Variants in SAMMSON observed in about 807,000 individuals in gnomAD.
SAMMSON encodes the protein long intergenic non-protein coding RNA 1212.
chr3:70,213,013 T>C (rs1701366010), intron 4 of SAMMSON, among the ~76,000 whole-genome samples: 2 of 152,120 alleles, frequency 1.3e-5, no homozygotes, highest in Admixed American at 1.3e-4. Context: ...TTCACCATGC[T>C]GCCTGGGCTG....
chr3:70,228,252 G>A (rs1192839333), intron 4 of SAMMSON, among the ~76,000 whole-genome samples: 1 of 151,952 alleles, frequency 6.6e-6, no homozygotes, highest in Admixed American at 6.6e-5. Flanking sequence ...ATGCCAAGAT[G>A]CTGAAGAAAA....
chr3:70,149,157 T>C (rs73108065), intron 4 of SAMMSON, among the ~76,000 whole-genome samples: 11,083 of 152,196 alleles, frequency 0.073, 548 homozygotes, highest in Non-Finnish European at 0.11. Context: ...ACTCCCAGTT[T>C]ATTTATTTTT....
chr3:70,281,423 T>C (rs543822778), intron 6 of SAMMSON, among the ~76,000 whole-genome samples: 1 of 152,294 alleles, frequency 6.6e-6, no homozygotes, highest in Admixed American at 6.5e-5. Context: ...TAGAATTCTG[T>C]CTTTACCATT....
intron 4 of SAMMSON, among the ~76,000 whole-genome samples, chr3:70,103,611 A>T (rs1251377548): frequency 6.6e-6 from 1 of 152,188 alleles, no homozygotes; most frequent in Non-Finnish European, 1.5e-5. Flanking sequence ...TTCTACTTGA[A>T]TTCTCCTGGG....
chr3:70,019,565 G>A (rs1375239894), intron 3 of SAMMSON, among the ~76,000 whole-genome samples: 1 of 152,150 alleles, frequency 6.6e-6, no homozygotes, highest in African/African-American at 2.4e-5. Flanking sequence ...TTTAATTGGA[G>A]CATTTAGCCC....
chr3:70,100,826 T>C (rs1375186827), intron 4 of SAMMSON, among the ~76,000 whole-genome samples: 1 of 152,202 alleles, frequency 6.6e-6, no homozygotes, highest in East Asian at 1.9e-4. Flanking sequence ...TAATTTCCTG[T>C]CTCCATTACA....
chr3:70,241,010 G>A (rs139182160), intron 4 of SAMMSON, among the ~76,000 whole-genome samples: 221 of 152,008 alleles, frequency 1.5e-3, no homozygotes, highest in African/African-American at 4.4e-3. Context: ...TCATTTTTTC[G>A]TGTCCACCCA....
intron 9 of SAMMSON, among the ~76,000 whole-genome samples, chr3:70,380,272 TA>T (rs1215335562): frequency 2.0e-5 from 3 of 152,090 alleles, no homozygotes; most frequent in Admixed American, 6.6e-5. Flanking sequence ...TTATGTAGGA[TA>T]AAAAATATTT....
intron 3 of SAMMSON, among the ~76,000 whole-genome samples, chr3:70,053,083 T>A (rs775169922): frequency 1.2e-4 from 19 of 152,152 alleles, no homozygotes; most frequent in Non-Finnish European, 2.6e-4. Flanking sequence ...AGTTGCATAG[T>A]GCTTTGGAAT....
At chr3:70,201,656 C>T (rs1337909837) in intron 4 of SAMMSON, among the ~76,000 whole-genome samples, 1 of 152,148 alleles carries the variant, frequency 6.6e-6, no homozygotes, top group Non-Finnish European at 1.5e-5. Context: ...ACCAGACTGA[C>T]TCCTCCACAG....
At chr3:70,244,770 GCACA>G (rs1275015439) in intron 4 of SAMMSON, among the ~76,000 whole-genome samples, 1 of 152,140 alleles carries the variant, frequency 6.6e-6, no homozygotes, top group African/African-American at 2.4e-5. Flanking sequence ...GCATGTGTGT[GCACA>G]CATATATAAA....
chr3:70,012,012 A>G (rs571665527), intron 1 of SAMMSON, among the ~76,000 whole-genome samples: 31 of 152,122 alleles, frequency 2.0e-4, no homozygotes, highest in African/African-American at 7.0e-4. Context: ...CCAGAAGAGA[A>G]AGGGATGGTG....
At chr3:70,287,264 T>A (rs1214252820) in intron 6 of SAMMSON, among the ~76,000 whole-genome samples, 1 of 140,844 alleles carries the variant, frequency 7.1e-6, no homozygotes, top group African/African-American at 2.7e-5. Flanking sequence ...GTTTTTAGCA[T>A]GAAGGGTTGT....
intron 4 of SAMMSON, among the ~76,000 whole-genome samples, chr3:70,212,479 A>G (rs1013379465): frequency 6.6e-6 from 1 of 151,976 alleles, no homozygotes; most frequent in Non-Finnish European, 1.5e-5. Context: ...CTGTCCCTCC[A>G]TCCAATCATT....
At chr3:70,285,523 T>C (rs1037239785) in intron 6 of SAMMSON, among the ~76,000 whole-genome samples, 91 of 152,158 alleles carry the variant, frequency 6.0e-4, no homozygotes, top group African/African-American at 2.0e-3. Context: ...AAAATACGTG[T>C]GCATGTGTCT....
chr3:70,353,921 A>C (rs1167176029), intron 7 of SAMMSON, among the ~76,000 whole-genome samples: 1 of 152,212 alleles, frequency 6.6e-6, no homozygotes, highest in African/African-American at 2.4e-5. Flanking sequence ...ATTTCCAGGG[A>C]TATATGCTAA....
At chr3:70,123,168 C>A (rs2067442304) in intron 4 of SAMMSON, among the ~76,000 whole-genome samples, 1 of 152,198 alleles carries the variant, frequency 6.6e-6, no homozygotes, top group African/African-American at 2.4e-5. Flanking sequence ...CAAGACTCTG[C>A]ATTTCTACCA....
At chr3:70,263,834 G>A (rs1701890184) in intron 6 of SAMMSON, among the ~76,000 whole-genome samples, 1 of 151,950 alleles carries the variant, frequency 6.6e-6, no homozygotes, top group Admixed American at 6.6e-5. Context: ...TTACTCCTAG[G>A]CAGAAGGTCT....
chr3:70,366,492 GT>G, intron 9 of SAMMSON, among the ~76,000 whole-genome samples: 15,836 of 100,710 alleles, frequency 0.16, 952 homozygotes, highest in South Asian at 0.29. Flanking sequence ...GTGTTTTTAT[GT>G]TTTTTTTTTT....
Sources: allele counts gnomAD v4.1 joint callset (sites outside exome capture counted in the v4.1 genomes callset), GRCh38; gene constraint gnomAD v4.1.1; transcripts MANE v1.5; gene names NCBI Gene and HGNC (gene_info 2026-07-23, HGNC 2026-07-21).